COPS3: variants seen among roughly 807,000 people sequenced by gnomAD.
The protein encoded by COPS3 is COP9 signalosome subunit 3, also known as COP9 signalosome complex subunit 3.
Under a neutral mutation model 58.2 loss-of-function variants are expected in COPS3, and 10 were observed. That is an observed-to-expected ratio of 0.17 (90% CI 0.11 to 0.29). The LOEUF (loss-of-function observed/expected upper bound fraction) is 0.29. COPS3 is among the 10% of genes least tolerant of loss of function. The pLI is 1.00. For synonymous variants in COPS3, 187 were observed against 181.7 expected, an observed-to-expected ratio of 1.03 and a Z score of -0.24; for missense variants, 333 against 510.1, an observed-to-expected ratio of 0.65 and a Z score of 3.34.
At chr17:17,254,831 A>AAAAG in intron 9 of COPS3, 28 bp downstream of exon 9, 1 of 1,337,182 alleles carries the variant, frequency 7.5e-7, no homozygotes, top group Non-Finnish European at 1.0e-6. Flanking sequence ...AAAAAAAAAA[A>AAAAG]AGAAAAAGAA....
At position 17,258,786 on chromosome 17, in the gene COPS3, T is replaced by G. The variant is rs1331004514; in HGVS notation, c.936+1515A>C. Among the ~76,000 whole-genome samples, 6 of 152,216 alleles carry G rather than the reference T, an allele frequency of 3.9e-5. No homozygotes were observed. The East Asian group carries it at 1.2e-3, about 29-fold the overall frequency. On this transcript the variant is annotated intron_variant, in intron 8 of 11. Transcript: ENST00000268717. ...TGTAGGTCAAGCTGGTTTTTCTGGC[T>G]CACAAGTTACACTGGTTTTGATCTT...
chr17:17,246,739 C>A lies in COPS3; in HGVS notation c.*359G>T. ...TCAGATCCAAATCTTCCAAAAATTCCTAAAATCCAGCTATTTCTGTTCACA... is the reference window on the plus strand; with the variant it reads ...TCAGATCCAAATCTTCCAAAAATTCATAAAATCCAGCTATTTCTGTTCACA... On this transcript the variant is annotated 3_prime_UTR_variant, in exon 12 of 12. Coordinates refer to ENST00000268717, the MANE Select transcript of COPS3 (RefSeq NM_003653.4). 5.2e-6 allele frequency: 1 copy of A among 192,804 alleles called. No individual in the cohort carries two copies. The highest frequency in any genetic ancestry group is 1.6e-4 in the South Asian group (1 of 6,160). The allele number at this position is 192,804 out of a possible 1,614,324, so 11.9% of individuals were successfully genotyped here.
chr17:17,257,973 T>G (rs1452831861), intron 8 of COPS3, among the ~76,000 whole-genome samples: 1 of 152,186 alleles, frequency 6.6e-6, no homozygotes, highest in Non-Finnish European at 1.5e-5. Context: ...TTGGATTTTC[T>G]AGTAAGAAAA....
At chr17:17,254,618 T>G (rs555029129) in intron 9 of COPS3, among the ~76,000 whole-genome samples, 3 of 151,854 alleles carry the variant, frequency 2.0e-5, no homozygotes, top group Admixed American at 2.0e-4. Context: ...GAGACCAGCC[T>G]GACCAACATG....
intron 1 of COPS3, among the ~76,000 whole-genome samples, chr17:17,280,400 C>CA (rs377400440): frequency 0.091 from 9,831 of 108,110 alleles, 737 homozygotes; most frequent in African/African-American, 0.21. Context: ...GACTCCGTCT[C>CA]AAAAAAAAAA....
intron 10 of COPS3, among the ~76,000 whole-genome samples, chr17:17,248,237 G>A (rs1288769041): frequency 6.6e-6 from 1 of 152,178 alleles, no homozygotes; most frequent in Non-Finnish European, 1.5e-5. Flanking sequence ...CCCTTTAAGT[G>A]TTTTCACAGT....
intron 7 of COPS3, chr17:17,261,698 GAA>G (rs139813720): frequency 5.4e-3 from 1,941 of 359,660 alleles, no homozygotes; most frequent in South Asian, 0.012. Context: ...TGTCTCTAGG[GAA>G]AAAAAAAAAA....
chr17:17,280,730 C>T, intron 1 of COPS3: 7 of 1,247,336 alleles, frequency 5.6e-6, no homozygotes, highest in Non-Finnish European at 7.3e-6. Flanking sequence ...GCCTAGTCAG[C>T]AAGCTGCGGA....
intron 7 of COPS3, 127 bp from the exon 8 acceptor site, chr17:17,260,601 A>T: frequency 1.3e-6 from 1 of 769,648 alleles, no homozygotes; most frequent in Non-Finnish European, 2.1e-6. Context: ...GTCAGGGGTT[A>T]AACACCAGCC....
chr17:17,281,196 C>G lies in COPS3; in HGVS notation c.-10G>C. On this transcript the variant is annotated 5_prime_UTR_variant, in exon 1 of 12. Transcript: ENST00000268717. Reference sequence around the variant, plus strand: ...CCAGGGCAGACGCCATGTTTTCCCCCGGGCGGCCCGAGCGGCGAAGGCAGC... The same window carrying G: ...CCAGGGCAGACGCCATGTTTTCCCCGGGGCGGCCCGAGCGGCGAAGGCAGC... 6.2e-7 allele frequency: 1 copy of G among 1,608,762 alleles called. No individual in the cohort carries two copies. The highest frequency in any genetic ancestry group is 8.5e-7 in the Non-Finnish European group (1 of 1,177,876).
intron 8 of COPS3, among the ~76,000 whole-genome samples, chr17:17,259,427 T>C (rs2048045468): frequency 6.6e-6 from 1 of 152,232 alleles, no homozygotes; most frequent in East Asian, 1.9e-4. Flanking sequence ...ATATTTTCTA[T>C]AGTCAAAACC....
At chr17:17,274,430 T>TC (rs2048417354) in intron 2 of COPS3, among the ~76,000 whole-genome samples, 2 of 27,452 alleles carry the variant, frequency 7.3e-5, no homozygotes, top group South Asian at 2.3e-3. Context: ...GCTTTTCTTT[T>TC]TTTTTTTTTT....
At chr17:17,281,006 C>T (rs553560006) in intron 1 of COPS3, 126 bp downstream of exon 1, 2 of 1,168,568 alleles carry the variant, frequency 1.7e-6, no homozygotes, top group South Asian at 1.4e-5. Flanking sequence ...GCCGCAACCC[C>T]AAGCCCGGCC....
rs559119375 is a variant in COPS3 at position 17,275,052 on chromosome 17, G to A, written c.185+983C>T. 2.0e-5 allele frequency among the ~76,000 whole-genome samples: 3 copies of A among 151,566 alleles called. No homozygotes were observed. The East Asian group carries it at 5.8e-4, about 29-fold the overall frequency. On this transcript the variant is annotated intron_variant, in intron 2 of 11. Transcript: ENST00000268717. ...CAGCCAGCCCATAGCTCTCACTCTT[G>A]GCCCCCTTAGTATGTTCTCAAAGCA...
intron 2 of COPS3, among the ~76,000 whole-genome samples, chr17:17,275,696 C>A (rs1278261427): frequency 1.3e-5 from 2 of 152,080 alleles, no homozygotes; most frequent in East Asian, 3.9e-4. Context: ...GTAATCCCAG[C>A]ATTTTGGGAG....
chr17:17,258,832 G>A (rs918044461), intron 8 of COPS3, among the ~76,000 whole-genome samples: 2 of 152,052 alleles, frequency 1.3e-5, no homozygotes, highest in African/African-American at 4.8e-5. Flanking sequence ...TCTCTTTCAC[G>A]TTCTTCATTT....
intron 1 of COPS3, 46 bp downstream of exon 1, chr17:17,281,086 G>A (rs755422430): frequency 6.3e-7 from 1 of 1,587,444 alleles, no homozygotes; most frequent in Non-Finnish European, 8.6e-7. Context: ...ATCCAGGCCA[G>A]TTCCCGGTAC....
At chr17:17,277,958 AC>A (rs1359728185) in intron 1 of COPS3, among the ~76,000 whole-genome samples, 1 of 151,986 alleles carries the variant, frequency 6.6e-6, no homozygotes, top group Non-Finnish European at 1.5e-5. Context: ...ACATGGTGAA[AC>A]CCTGTCTCCA....
Position 17,246,696 on chromosome 17 carries a change from T to A in COPS3, c.*402A>T, listed in dbSNP as rs2047734118. On this transcript the variant is annotated 3_prime_UTR_variant, in exon 12 of 12. Coordinates refer to ENST00000268717, the MANE Select transcript of COPS3 (RefSeq NM_003653.4). The stretch of plus-strand genomic sequence containing the variant: ...AGATTTTTTTGTAGATACAAATTTG[T>A]CAATAAATAAAAACCTTTCAGATCC... 5.8e-6 allele frequency: 1 copy of A among 172,384 alleles called. No individual in the cohort carries two copies. Among genetic ancestry groups the A allele is most frequent in the Admixed American group, 5.7e-5 (1 of 17,572 alleles). The allele number at this position is 172,384 out of a possible 1,614,324, so 10.7% of individuals were successfully genotyped here.
Sources: allele counts gnomAD v4.1 joint callset (sites outside exome capture counted in the v4.1 genomes callset), GRCh38; gene constraint gnomAD v4.1.1; transcripts MANE v1.5; gene names NCBI Gene and HGNC (gene_info 2026-07-23, HGNC 2026-07-21).